ADGRA3: variants seen among roughly 807,000 people sequenced by gnomAD.
ADGRA3 encodes adhesion G protein-coupled receptor A3, also known as G-protein coupled receptor 125.
A neutral mutation model predicts 119.8 loss-of-function variants in ADGRA3; 56 were observed. That is an observed-to-expected ratio of 0.47 (90% CI 0.38 to 0.58). The LOEUF (loss-of-function observed/expected upper bound fraction) is 0.58, where lower values mean the gene tolerates loss of function less well. Among genes scored for constraint, ADGRA3 ranks in the 20% least tolerant of loss-of-function variants. The probability of loss-of-function intolerance (pLI) is 0.00; values close to 1 mark genes in which losing one functional copy is unlikely to be tolerated. For synonymous variants in ADGRA3, 607 were observed against 623.8 expected (o/e 0.97, Z 0.40); for missense variants, 1,516 against 1,649.0 (o/e 0.92, Z 1.40).
At chr4:22,405,417 G>A (rs145795067) in intron 14 of ADGRA3, among the ~76,000 whole-genome samples, 212 of 151,978 alleles carry the variant, frequency 1.4e-3, no homozygotes, top group African/African-American at 4.9e-3. Flanking sequence ...ATGATGGCGC[G>A]TGCCTGTAAC....
Position 22,424,256 on chromosome 4 carries a change from T to TC in ADGRA3, c.1539dup (p.Ile514AspfsTer54). On this transcript the variant is annotated frameshift_variant, in exon 11 of 19. Coordinates refer to ENST00000334304, the MANE Select transcript of ADGRA3 (RefSeq NM_145290.4). LOFTEE classifies it high-confidence loss of function. ...GCAATGCGCTGAAGACACTGCACAA[T>TC]CCTACTGCAGGCTTTAGCTTCCCTC... is the stretch of plus-strand genomic sequence containing the variant. 1 of 1,613,632 alleles carries TC rather than the reference T, an allele frequency of 6.2e-7. No individual in the cohort carries two copies. The highest frequency in any genetic ancestry group is 8.5e-7 in the Non-Finnish European group (1 of 1,179,862).
intron 12 of ADGRA3, among the ~76,000 whole-genome samples, chr4:22,419,126 T>C (rs1206081501): frequency 2.0e-5 from 3 of 152,040 alleles, no homozygotes; most frequent in African/African-American, 7.2e-5. Flanking sequence ...AGGAGGCACC[T>C]ACTGCTAAAT....
In ADGRA3 at chr4:22,387,890, T is replaced by C. The variant is rs762044074; in HGVS notation, c.3781A>G (p.Ser1261Gly). ...GGCTTCCTTAACGCATCTTTTTTAC[T>C]AGTGGTTGAAACTGGCTTTTCAAAA... ...RNFEKPVSTT[S>G]KKDALRKPAV... is the part of the protein sequence containing the mutation. Residue 1261 changes from serine (S) to glycine (G), a missense_variant, in exon 19 of 19, where the codon AGT becomes GGT. By Grantham distance (56) the Ser-to-Gly change is moderately conservative. Coordinates refer to ENST00000334304, the MANE Select transcript of ADGRA3 (RefSeq NM_145290.4). 5 of 1,614,022 alleles carry C rather than the reference T, an allele frequency of 3.1e-6. No homozygotes were observed. Among genetic ancestry groups the C allele is most frequent in the Non-Finnish European group, 4.2e-6 (5 of 1,180,000 alleles).
intron 2 of ADGRA3, among the ~76,000 whole-genome samples, chr4:22,462,337 G>A (rs1373677504): frequency 2.0e-5 from 3 of 151,840 alleles, no homozygotes; most frequent in African/African-American, 4.8e-5. Flanking sequence ...CATTTGAGAC[G>A]GAGTCTTGCT....
At chr4:22,461,018 G>T (rs1459671371) in intron 3 of ADGRA3, among the ~76,000 whole-genome samples, 1 of 152,314 alleles carries the variant, frequency 6.6e-6, no homozygotes, top group East Asian at 1.9e-4. Flanking sequence ...AGCTTCAGAA[G>T]CAATAAAAAC....
rs757380056 is a variant in ADGRA3 at position 22,389,166 on chromosome 4, C to G, written c.2645G>C (p.Gly882Ala). The change falls in exon 18 of 19, where the codon GGT becomes GCT. Residue 882 changes from glycine to alanine, a missense_variant. Around this residue, in one of 2 missense-constraint regions of ADGRA3, gnomAD observed 1,088 missense variants for 1,107.1 expected, o/e 0.98. Coordinates refer to ENST00000334304, the MANE Select transcript of ADGRA3 (RefSeq NM_145290.4). ...RPMLRFYLIG[G>A]GIPIIVCGIT... ...GCCGCAAACAATGATGGGGATACCA[C>G]CACCAATCAGGTAAAATCTAGAAGG... 6.2e-6 allele frequency: 10 copies of G among 1,612,786 alleles called. No individual in the cohort carries two copies. Among genetic ancestry groups the G allele is most frequent in the African/African-American group, 1.3e-5 (1 of 74,890 alleles).
intron 1 of ADGRA3, among the ~76,000 whole-genome samples, chr4:22,494,200 G>A (rs1337702829): frequency 1.4e-5 from 2 of 145,670 alleles, no homozygotes; most frequent in African/African-American, 2.6e-5. Context: ...GCAAGACTCT[G>A]TCTCAGAAAA....
chr4:22,474,761 A>G (rs1369370219), intron 1 of ADGRA3, among the ~76,000 whole-genome samples: 1 of 152,202 alleles, frequency 6.6e-6, no homozygotes, highest in Non-Finnish European at 1.5e-5. Context: ...AAGTTCTTCA[A>G]CATACACTAA....
chr4:22,409,929 T>C (rs985335500), intron 14 of ADGRA3, among the ~76,000 whole-genome samples: 1 of 152,232 alleles, frequency 6.6e-6, no homozygotes, highest in South Asian at 2.1e-4. Flanking sequence ...TGTATGTTAA[T>C]GTGTAGAAAT....
At chr4:22,393,619 TGG>T (rs1192239409) in intron 16 of ADGRA3, 3 of 152,170 alleles carry the variant, frequency 2.0e-5, no homozygotes, top group Non-Finnish European at 4.4e-5. Context: ...CTTCCTCACT[TGG>T]GAACCAAGAG....
intron 8 of ADGRA3, among the ~76,000 whole-genome samples, chr4:22,437,081 G>T (rs1390644346): frequency 6.6e-6 from 1 of 151,994 alleles, no homozygotes; most frequent in African/African-American, 2.4e-5. Flanking sequence ...AAAACTATGA[G>T]AATATAGAAA....
intron 5 of ADGRA3, among the ~76,000 whole-genome samples, chr4:22,445,702 C>T (rs991414204): frequency 1.3e-5 from 2 of 152,090 alleles, no homozygotes; most frequent in African/African-American, 4.8e-5. Context: ...TGCTATGTGC[C>T]AAGTGACACT....
chr4:22,493,816 G>A (rs748824945), intron 1 of ADGRA3, among the ~76,000 whole-genome samples: 4 of 152,038 alleles, frequency 2.6e-5, no homozygotes, highest in Non-Finnish European at 2.9e-5. Flanking sequence ...AAAAAAGGTC[G>A]GCATAAGATA....
rs73802849 is a variant in ADGRA3, at chr4:22,499,942, C to T, written c.257+15586G>A. Among the ~76,000 whole-genome samples the T allele has an allele frequency of 1.5e-3, 228 of 152,158 alleles. 1 individual carries two copies. The highest frequency in any genetic ancestry group is 4.5e-3 in the African/African-American group (188 of 41,534). On this transcript the variant is annotated intron_variant, in intron 1 of 18. Transcript: ENST00000334304. Reference sequence around the variant, plus strand: ...AAGTGTTTCTGATTTCGCCTTTTTTCAGAATTTGGAATATTTGCATTATAC... The same window carrying T: ...AAGTGTTTCTGATTTCGCCTTTTTTTAGAATTTGGAATATTTGCATTATAC...
chr4:22,511,716 T>C (rs1719451916), intron 1 of ADGRA3, among the ~76,000 whole-genome samples: 1 of 151,992 alleles, frequency 6.6e-6, no homozygotes, highest in East Asian at 1.9e-4. Flanking sequence ...CAGACTCCTC[T>C]GACCACCCTG....
intron 1 of ADGRA3, among the ~76,000 whole-genome samples, chr4:22,510,869 G>A (rs548981742): frequency 8.3e-4 from 126 of 152,328 alleles, no homozygotes; most frequent in African/African-American, 2.9e-3. Context: ...ATGAGGGATA[G>A]TCTTTTAATT....
chr4:22,420,784 C>CA lies in ADGRA3; in HGVS notation c.1809+101dup, dbSNP rs35885661. 4,573 of 1,035,152 alleles carry CA rather than the reference C, an allele frequency of 4.4e-3. 1 individual carries two copies. Among genetic ancestry groups the CA allele is most frequent in the Non-Finnish European group, 5.3e-3 (3,745 of 710,248 alleles). The allele number at this position is 1,035,152 out of a possible 1,614,324, so 64.1% of individuals were successfully genotyped here. ...AAAAGCAATAATACCTATCTTCCTG[C>CA]AAAAAAAAAATCTTTTAATAAGGTT... is the stretch of plus-strand genomic sequence containing the variant. On this transcript the variant is annotated intron_variant, in intron 12 of 18. Transcript: ENST00000334304.
intron 1 of ADGRA3, among the ~76,000 whole-genome samples, chr4:22,487,650 C>A (rs761574718): frequency 1.4e-4 from 22 of 152,128 alleles, no homozygotes; most frequent in Non-Finnish European, 2.8e-4. Flanking sequence ...GGAAACACTA[C>A]ACCATTGTCA....
intron 14 of ADGRA3, among the ~76,000 whole-genome samples, chr4:22,409,574 A>T (rs985519745): frequency 7.9e-5 from 12 of 152,166 alleles, no homozygotes; most frequent in Non-Finnish European, 1.6e-4. Context: ...ACTATTTCTC[A>T]TGAGGCTGTT....
Sources: gnomAD v4.1 joint callset for allele counts (sites outside exome capture counted in the v4.1 genomes callset) on GRCh38, gnomAD v4.1.1 for gene constraint, gnomAD v4.1.1 regional missense constraint, MANE v1.5 for transcripts, NCBI Gene and HGNC (gene_info 2026-07-23, HGNC 2026-07-21) for gene names.